The following CAT variants were observed in gnomAD, a reference collection of about 807,000 sequenced individuals.
The protein encoded by CAT is catalase, also known as epididymis secretory sperm binding protein.
A neutral mutation model predicts 59.0 loss-of-function variants in CAT; 43 were observed. That is an observed-to-expected ratio of 0.73 (90% CI 0.57 to 0.94). CAT has a LOEUF of 0.94. Ranked by LOEUF, CAT falls within the 40% of genes least tolerant of loss-of-function variation. CAT has a pLI of 0.00. For missense variants in CAT, 664 were observed against 682.9 expected (o/e 0.97, Z 0.31); for synonymous variants, 218 against 230.9 (o/e 0.94, Z 0.51).
In CAT at chr11:34,452,060, C is replaced by A. The variant is rs1404701570; in HGVS notation, c.350-17C>A. The A allele has an allele frequency of 6.2e-7, 1 of 1,613,858 alleles. No homozygotes were observed. The highest frequency in any genetic ancestry group is 1.1e-5 in the South Asian group (1 of 91,076). Reference sequence around the variant, plus strand: ...GTGCTGTGGCTTATGCTTCCTGTTTCCATTTGAATATTGTAGCTGGAGAAT... The same window carrying A: ...GTGCTGTGGCTTATGCTTCCTGTTTACATTTGAATATTGTAGCTGGAGAAT... On this transcript the variant is annotated splice_polypyrimidine_tract_variant and intron_variant, in intron 3 of 12. Transcript: ENST00000241052.
rs530849342 is a variant in CAT at position 34,471,468 on chromosome 11, C to T, written c.*35C>T. 117 of 1,571,074 alleles carry T rather than the reference C, an allele frequency of 7.4e-5. No individual in the cohort carries two copies. The highest frequency in any genetic ancestry group is 6.0e-4 in the South Asian group (54 of 90,244). On this transcript the variant is annotated 3_prime_UTR_variant, in exon 13 of 13. Coordinates refer to ENST00000241052, the MANE Select transcript of CAT (RefSeq NM_001752.4). ...CCTGCACCTGTGCAGCGAAGCTTAG[C>T]GTTCATCCGTGTAACCCGCTCATCA...
chr11:34,468,600 A>C, intron 11 of CAT: 1 of 613,458 alleles, frequency 1.6e-6, no homozygotes, highest in Non-Finnish European at 2.9e-6. Flanking sequence ...CATCGTCCTT[A>C]GCTGTTTGTC....
At position 34,456,077 on chromosome 11, in the gene CAT, T is replaced by C. The variant is rs1418878483; in HGVS notation, c.778T>C (p.Tyr260His). The C allele has an allele frequency of 5.0e-6, 8 of 1,614,034 alleles. No individual in the cohort carries two copies. The highest frequency in any genetic ancestry group is 6.8e-6 in the Non-Finnish European group (8 of 1,180,018). The change falls in exon 7 of 13, where the codon TAT becomes CAT. Residue 260 changes from tyrosine to histidine, a missense_variant. Coordinates refer to ENST00000241052, the MANE Select transcript of CAT (RefSeq NM_001752.4). The part of the protein sequence containing the change: ...AARLSQEDPD[Y>H]GIRDLFNAIA... Reference sequence around the variant, plus strand: ...GAGACTTTCCCAGGAAGATCCTGACTATGGCATCCGGGATCTTTTTAACGC... The same window carrying C: ...GAGACTTTCCCAGGAAGATCCTGACCATGGCATCCGGGATCTTTTTAACGC...
chr11:34,450,098 G>A (rs906663650), intron 2 of CAT, among the ~76,000 whole-genome samples: 13 of 152,060 alleles, frequency 8.5e-5, no homozygotes, highest in African/African-American at 3.1e-4. Context: ...CACACAGATG[G>A]TGGCCTCAGC....
intron 11 of CAT, among the ~76,000 whole-genome samples, chr11:34,470,004 C>T (rs1564968036): frequency 1.3e-5 from 2 of 152,080 alleles, no homozygotes; most frequent in Non-Finnish European, 2.9e-5. Flanking sequence ...ATAAGCAATT[C>T]TGTAATTCTT....
At chr11:34,470,863 C>A (rs1856764920) in intron 11 of CAT, 95 bp from the exon 12 acceptor site, 5 of 1,010,060 alleles carry the variant, frequency 5.0e-6, no homozygotes, top group Admixed American at 1.7e-5. Flanking sequence ...CGTCTTTCCT[C>A]CCCTATGGAA....
chr11:34,462,018 CA>C (rs963729035), intron 9 of CAT, among the ~76,000 whole-genome samples: 30 of 152,156 alleles, frequency 2.0e-4, no homozygotes, highest in African/African-American at 6.8e-4. Context: ...ACTCATTTAT[CA>C]AACTTAGGAT....
At chr11:34,441,477 A>G (rs1856389111) in intron 1 of CAT, among the ~76,000 whole-genome samples, 3 of 152,172 alleles carry the variant, frequency 2.0e-5, no homozygotes, top group Non-Finnish European at 4.4e-5. Context: ...CACCTGGGCT[A>G]TTTAATTTTT....
At chr11:34,439,417 G>GAAGTC (rs1396539659) in intron 1 of CAT, among the ~76,000 whole-genome samples, 2 of 152,180 alleles carry the variant, frequency 1.3e-5, no homozygotes, top group Non-Finnish European at 2.9e-5. Flanking sequence ...CAGCTGCAAG[G>GAAGTC]AAGTCAGTGA....
rs964939980 is a variant in CAT, at chr11:34,457,091, A to G, written c.1056+274A>G. On this transcript the variant is annotated intron_variant, in intron 8 of 12. Transcript: ENST00000241052. Reference sequence around the variant, plus strand: ...ACTCTCTTAATTAAAAAAAAAAGACATAATAGAAATACCTTAAGTATTGAT... The same window carrying G: ...ACTCTCTTAATTAAAAAAAAAAGACGTAATAGAAATACCTTAAGTATTGAT... 4 of 450,592 alleles carry G rather than the reference A, an allele frequency of 8.9e-6. No individual in the cohort carries two copies. The East Asian group carries it at 1.7e-4, about 20-fold the overall frequency. 27.9% of individuals were successfully genotyped at this position (450,592 alleles called of 1,614,324 possible).
rs11546300 is a variant in CAT, at chr11:34,471,593, G to A, written c.*160G>A. The A allele has an allele frequency of 2.9e-6, 2 of 683,166 alleles. No individual in the cohort carries two copies. The highest frequency in any genetic ancestry group is 2.2e-5 in the Admixed American group (1 of 45,874). 42.3% of individuals were successfully genotyped at this position (683,166 alleles called of 1,614,324 possible). A position where few individuals can be genotyped will look rare whatever the true frequency, so the allele number is the denominator to read the frequency against. ...TAGCAGATTGTGTAACAATTTTAAT[G>A]CTATTTCCCCAGGGGAAAATGAAGG... On this transcript the variant is annotated 3_prime_UTR_variant, in exon 13 of 13. Transcript: ENST00000241052.
chr11:34,457,097 G>GAAAT, intron 8 of CAT: 1 of 412,418 alleles, frequency 2.4e-6, no homozygotes, highest in South Asian at 2.5e-5. Flanking sequence ...AGACATAATA[G>GAAAT]AAATACCTTA....
rs776553856 is a variant in CAT, at chr11:34,461,344, G to GC, written c.1152dup (p.Asn385GlnfsTer5). The GC allele has an allele frequency of 6.2e-7, 1 of 1,614,208 alleles. No individual in the cohort carries two copies. The highest frequency in any genetic ancestry group is 8.5e-7 in the Non-Finnish European group (1 of 1,180,028). On this transcript the variant is annotated frameshift_variant, in exon 9 of 13. Transcript: ENST00000241052. LOFTEE classifies it high-confidence loss of function. ...GAACTGTCCCTACCGTGCTCGAGTGGCCAACTACCAGCGTGACGGCCCGAT... is the reference window on the plus strand; with the variant it reads ...GAACTGTCCCTACCGTGCTCGAGTGGCCCAACTACCAGCGTGACGGCCCGAT...
intron 1 of CAT, among the ~76,000 whole-genome samples, chr11:34,444,866 T>C (rs572951345): frequency 6.6e-6 from 1 of 152,358 alleles, no homozygotes; most frequent in Admixed American, 6.5e-5. Flanking sequence ...AATTTTACTT[T>C]AAGTCCCTAC....
chr11:34,456,341 C>A, intron 7 of CAT, 139 bp downstream of exon 7: 1 of 717,312 alleles, frequency 1.4e-6, no homozygotes. Flanking sequence ...GTGTCCTAAG[C>A]TGTGAATGAG....
At chr11:34,454,018 C>T in intron 6 of CAT, 92 bp downstream of exon 6, 4 of 1,367,250 alleles carry the variant, frequency 2.9e-6, no homozygotes, top group Non-Finnish European at 4.1e-6. Flanking sequence ...AAGGCTTCTC[C>T]CACTTTTCCC....
chr11:34,462,611 C>G (rs1856663808), intron 9 of CAT, among the ~76,000 whole-genome samples: 1 of 151,994 alleles, frequency 6.6e-6, no homozygotes, highest in Non-Finnish European at 1.5e-5. Context: ...TTAGTAGAGA[C>G]AGGGTTTCAT....
chr11:34,446,099 A>T (rs480575), intron 1 of CAT, among the ~76,000 whole-genome samples: 1 of 151,912 alleles, frequency 6.6e-6, no homozygotes, highest in Admixed American at 6.6e-5. Flanking sequence ...TTAATACTCT[A>T]TCTTTCAGTT....
Position 34,461,343 on chromosome 11 carries a change from G to T in CAT, c.1149G>T (p.Val383=). ...IPVNCPYRAR[V]ANYQRDGPMC... ...TGAACTGTCCCTACCGTGCTCGAGTGGCCAACTACCAGCGTGACGGCCCGA... is the reference window on the plus strand; with the variant it reads ...TGAACTGTCCCTACCGTGCTCGAGTTGCCAACTACCAGCGTGACGGCCCGA... The change falls in exon 9 of 13, where the codon GTG becomes GTT. Residue 383 remains valine (V), a synonymous_variant. Transcript: ENST00000241052. 9 of 1,614,212 alleles carry T rather than the reference G, an allele frequency of 5.6e-6. No individual in the cohort carries two copies. Among genetic ancestry groups the T allele is most frequent in the Non-Finnish European group, 6.8e-6 (8 of 1,180,032 alleles).
Sources: gnomAD v4.1 joint callset for allele counts (sites outside exome capture counted in the v4.1 genomes callset) on GRCh38, gnomAD v4.1.1 for gene constraint, MANE v1.5 for transcripts, NCBI Gene and HGNC (gene_info 2026-07-23, HGNC 2026-07-21) for gene names.